SLC25A13: variants seen among roughly 807,000 people sequenced by gnomAD.
The protein encoded by SLC25A13 is electrogenic aspartate/glutamate antiporter SLC25A13, mitochondrial.
Under a neutral mutation model 85.5 loss-of-function variants are expected in SLC25A13, and 70 were observed. That is an observed-to-expected ratio of 0.82 (90% CI 0.68 to 1.00). The LOEUF (loss-of-function observed/expected upper bound fraction) is 1.00, where lower values mean the gene tolerates loss of function less well. Ranked by LOEUF, SLC25A13 falls within the 50% of genes least tolerant of loss-of-function variation. The pLI is 0.00. For synonymous variants in SLC25A13, 259 were observed against 288.7 expected (o/e 0.90, Z 1.04); for missense variants, 765 against 819.8 (o/e 0.93, Z 0.82).
intron 1 of SLC25A13, among the ~76,000 whole-genome samples, chr7:96,312,972 G>T (rs1442999858): frequency 6.6e-6 from 1 of 152,154 alleles, no homozygotes; most frequent in African/African-American, 2.4e-5. Context: ...GCCCATAACA[G>T]GTACTTAATT....
intron 4 of SLC25A13, among the ~76,000 whole-genome samples, chr7:96,224,765 TAA>T (rs1276620677): frequency 6.6e-6 from 1 of 152,202 alleles, no homozygotes; most frequent in African/African-American, 2.4e-5. Flanking sequence ...TGAAAAATAT[TAA>T]ATCCTTCTAA....
chr7:96,267,095 G>T (rs562249725), intron 3 of SLC25A13, among the ~76,000 whole-genome samples: 88 of 152,126 alleles, frequency 5.8e-4, no homozygotes, highest in Non-Finnish European at 1.1e-3. Flanking sequence ...TCCCCTTATT[G>T]ATTCTGTATT....
intron 1 of SLC25A13, among the ~76,000 whole-genome samples, chr7:96,302,592 C>T (rs1412586319): frequency 6.6e-6 from 1 of 152,176 alleles, no homozygotes; most frequent in African/African-American, 2.4e-5. Context: ...TGTGAGACCA[C>T]CATCTCTGTG....
intron 13 of SLC25A13, among the ~76,000 whole-genome samples, chr7:96,147,755 T>C (rs1485549104): frequency 6.6e-6 from 1 of 152,188 alleles, no homozygotes; most frequent in Non-Finnish European, 1.5e-5. Context: ...TGTTCATGCA[T>C]GGAGATACTA....
At chr7:96,199,077 T>A (rs1004137758) in intron 5 of SLC25A13, among the ~76,000 whole-genome samples, 4 of 152,222 alleles carry the variant, frequency 2.6e-5, no homozygotes, top group African/African-American at 9.6e-5. Flanking sequence ...GGGACTGTTG[T>A]GTTTTCCCTG....
chr7:96,276,297 T>C (rs1259802306), intron 3 of SLC25A13, among the ~76,000 whole-genome samples: 1 of 152,206 alleles, frequency 6.6e-6, no homozygotes, highest in Non-Finnish European at 1.5e-5. Flanking sequence ...CATTGCAATC[T>C]TATACAGCTT....
chr7:96,267,217 T>TGGC (rs1416979883), intron 3 of SLC25A13, among the ~76,000 whole-genome samples: 1 of 152,190 alleles, frequency 6.6e-6, no homozygotes, highest in Non-Finnish European at 1.5e-5. Flanking sequence ...TCCCAGCATG[T>TGGC]GGCCAAGGCC....
At chr7:96,156,233 A>T (rs17147511) in intron 13 of SLC25A13, among the ~76,000 whole-genome samples, 3,686 of 152,330 alleles carry the variant, frequency 0.024, 144 homozygotes, top group African/African-American at 0.084. Flanking sequence ...AGGTTAATCA[A>T]TAATGAGAAA....
intron 11 of SLC25A13, among the ~76,000 whole-genome samples, chr7:96,183,225 T>C (rs934155229): frequency 6.6e-6 from 1 of 152,140 alleles, no homozygotes; most frequent in Non-Finnish European, 1.5e-5. Context: ...ACCTGCAAAA[T>C]GGAACTTCTC....
chr7:96,309,348 C>T (rs1799871456), intron 1 of SLC25A13, among the ~76,000 whole-genome samples: 1 of 152,186 alleles, frequency 6.6e-6, no homozygotes, highest in Non-Finnish European at 1.5e-5. Context: ...AGAGATTCAT[C>T]TACCTTGGGA....
intron 2 of SLC25A13, among the ~76,000 whole-genome samples, chr7:96,288,821 T>C (rs1798997270): frequency 6.6e-6 from 1 of 152,132 alleles, no homozygotes; most frequent in Non-Finnish European, 1.5e-5. Context: ...CTCTGTAGAC[T>C]CCACCTCTGG....
intron 11 of SLC25A13, among the ~76,000 whole-genome samples, chr7:96,175,538 G>A (rs549449019): frequency 8.9e-4 from 135 of 152,300 alleles, no homozygotes; most frequent in South Asian, 3.5e-3. Context: ...AACTGAGGCC[G>A]ACTTTAAGGG....
chr7:96,124,590 T>C (rs1429348255), intron 15 of SLC25A13, among the ~76,000 whole-genome samples: 5 of 152,220 alleles, frequency 3.3e-5, no homozygotes, highest in South Asian at 4.1e-4. Context: ...TACTTGCTTA[T>C]TGTTGATATT....
intron 2 of SLC25A13, among the ~76,000 whole-genome samples, chr7:96,289,088 T>C (rs1159402346): frequency 6.6e-6 from 1 of 152,174 alleles, no homozygotes; most frequent in African/African-American, 2.4e-5. Flanking sequence ...GCAGCAACAT[T>C]TGCTGTTCAG....
At chr7:96,125,878 A>G (rs535485858) in intron 15 of SLC25A13, among the ~76,000 whole-genome samples, 134 of 151,988 alleles carry the variant, frequency 8.8e-4, no homozygotes, top group Non-Finnish European at 1.4e-3. Flanking sequence ...ACTTTTCAAG[A>G]AAGCTTCTTT....
At chr7:96,314,603 C>G (rs999028497) in intron 1 of SLC25A13, among the ~76,000 whole-genome samples, 2 of 152,078 alleles carry the variant, frequency 1.3e-5, no homozygotes, top group African/African-American at 4.8e-5. Context: ...GTTTATGAGG[C>G]AGCAAATGCC....
At chr7:96,228,092 G>A (rs929702864) in intron 4 of SLC25A13, among the ~76,000 whole-genome samples, 3 of 152,158 alleles carry the variant, frequency 2.0e-5, no homozygotes, top group Non-Finnish European at 4.4e-5. Flanking sequence ...TCAAACTCCT[G>A]ACCTCAGGTG....
chr7:96,135,601 T>C (rs948823006), intron 14 of SLC25A13, among the ~76,000 whole-genome samples: 17 of 152,236 alleles, frequency 1.1e-4, no homozygotes, highest in African/African-American at 4.1e-4. Context: ...CATTCTCCAG[T>C]ACTACAGCAA....
chr7:96,196,120 G>T (rs752779928), intron 5 of SLC25A13, among the ~76,000 whole-genome samples: 5 of 152,280 alleles, frequency 3.3e-5, no homozygotes, highest in African/African-American at 1.2e-4. Context: ...TGAACAAATC[G>T]TGAGCTATTG....
Sources: allele counts gnomAD v4.1 joint callset (sites outside exome capture counted in the v4.1 genomes callset), GRCh38; gene constraint gnomAD v4.1.1; transcripts MANE v1.5; gene names NCBI Gene and HGNC (gene_info 2026-07-23, HGNC 2026-07-21).